ELP3: variants seen among roughly 807,000 people sequenced by gnomAD.
ELP3 encodes the protein elongator acetyltransferase complex subunit 3.
Under a neutral mutation model 74.9 loss-of-function variants are expected in ELP3, and 56 were observed. The observed-to-expected ratio is 0.75, with a 90% CI of 0.60 to 0.93. ELP3 has a LOEUF of 0.93. Ranked by LOEUF, ELP3 falls within the 40% of genes least tolerant of loss-of-function variation. The pLI is 0.00. For synonymous variants in ELP3, 222 were observed against 239.8 expected (o/e 0.93, Z 0.68); for missense variants, 573 against 686.5 (o/e 0.83, Z 1.85).
At chr8:28,161,802 C>G (rs1271796776) in intron 13 of ELP3, among the ~76,000 whole-genome samples, 195 bp from the exon 14 acceptor site, 2 of 152,198 alleles carry the variant, frequency 1.3e-5, no homozygotes, top group African/African-American at 2.4e-5. Context: ...AAAAGTTACA[C>G]CTTTTTCAGT....
chr8:28,185,334 G>C (rs1241820579), intron 14 of ELP3, among the ~76,000 whole-genome samples: 1 of 152,068 alleles, frequency 6.6e-6, no homozygotes. Flanking sequence ...ACCCAACATA[G>C]AGCCAATTTT....
At chr8:28,129,421 G>A (rs1812705787) in intron 7 of ELP3, 81 bp from the exon 8 acceptor site, 4 of 1,443,642 alleles carry the variant, frequency 2.8e-6, no homozygotes, top group Non-Finnish European at 3.8e-6. Context: ...ATACTAGGAG[G>A]ACAGAGAGAA....
chr8:28,113,339 A>G (rs1811995483), intron 7 of ELP3, among the ~76,000 whole-genome samples, 166 bp downstream of exon 7: 1 of 152,170 alleles, frequency 6.6e-6, no homozygotes, highest in Non-Finnish European at 1.5e-5. Flanking sequence ...CTTTCGCTGA[A>G]ATAATCTTTT....
At chr8:28,175,615 T>C (rs1814715642) in intron 14 of ELP3, among the ~76,000 whole-genome samples, 1 of 152,216 alleles carries the variant, frequency 6.6e-6, no homozygotes, top group Non-Finnish European at 1.5e-5. Context: ...AGTGTCTGGA[T>C]TTCCTCAGGA....
chr8:28,107,093 CAAA>C (rs2130378275), intron 4 of ELP3, among the ~76,000 whole-genome samples: 1 of 152,064 alleles, frequency 6.6e-6, no homozygotes, highest in South Asian at 2.1e-4. Context: ...ACTAAAAATA[CAAA>C]AATTAGCCGA....
At chr8:28,119,176 G>T (rs911890261) in intron 7 of ELP3, 2 of 152,052 alleles carry the variant, frequency 1.3e-5, no homozygotes, top group Non-Finnish European at 2.9e-5. Flanking sequence ...TTCTCTTTTG[G>T]TCACCCAGAT....
intron 14 of ELP3, among the ~76,000 whole-genome samples, chr8:28,162,303 T>A (rs1280936663): frequency 6.6e-6 from 1 of 152,204 alleles, no homozygotes; most frequent in Non-Finnish European, 1.5e-5. Context: ...CCATATGCCC[T>A]CTTCTGCACT....
intron 10 of ELP3, among the ~76,000 whole-genome samples, chr8:28,152,588 C>G (rs1813683767): frequency 6.6e-6 from 1 of 152,040 alleles, no homozygotes. Flanking sequence ...GGTGGATCAC[C>G]TGAGGTCAGG....
At chr8:28,143,759 A>G (rs867751546) in intron 10 of ELP3, among the ~76,000 whole-genome samples, 1 of 152,196 alleles carries the variant, frequency 6.6e-6, no homozygotes, top group Admixed American at 6.5e-5. Flanking sequence ...TGTTGAAGTA[A>G]TCTCTTAGAG....
chr8:28,093,088 G>T, upstream of ELP3: 12 of 1,487,110 alleles, frequency 8.1e-6, no homozygotes, highest in South Asian at 1.3e-4. Context: ...CTTCCGGGAA[G>T]AGCTTTACGA....
At chr8:28,132,187 C>A in intron 8 of ELP3, 91 bp from the exon 9 acceptor site, 1 of 1,386,194 alleles carries the variant, frequency 7.2e-7, no homozygotes, top group Non-Finnish European at 1.0e-6. Context: ...TCCCCTTGTT[C>A]CTTGTGTTAA....
At chr8:28,161,246 T>C (rs561197660) in intron 13 of ELP3, among the ~76,000 whole-genome samples, 51 of 152,158 alleles carry the variant, frequency 3.4e-4, no homozygotes, top group Non-Finnish European at 6.5e-4. Flanking sequence ...AAATTGATTA[T>C]TTAAGAATTT....
At chr8:28,153,029 T>C (rs1275479970) in intron 10 of ELP3, among the ~76,000 whole-genome samples, 2 of 152,250 alleles carry the variant, frequency 1.3e-5, no homozygotes, top group South Asian at 2.1e-4. Context: ...ATTTTTAATG[T>C]GTAGGTCCTA....
intron 2 of ELP3, among the ~76,000 whole-genome samples, chr8:28,097,867 C>G (rs1811316357): frequency 6.6e-6 from 1 of 152,176 alleles, no homozygotes; most frequent in Non-Finnish European, 1.5e-5. Context: ...CCACACTTGA[C>G]AGGTGGGTAA....
intron 9 of ELP3, among the ~76,000 whole-genome samples, chr8:28,134,310 G>T (rs1163241425): frequency 6.6e-6 from 1 of 152,142 alleles, no homozygotes; most frequent in East Asian, 1.9e-4. Context: ...ATTTTCCTTG[G>T]TGTCTTCAAC....
intron 7 of ELP3, among the ~76,000 whole-genome samples, chr8:28,128,625 C>G (rs1812674654): frequency 6.6e-6 from 1 of 152,224 alleles, no homozygotes; most frequent in South Asian, 2.1e-4. Flanking sequence ...TTTATTAGCT[C>G]TGTGCCCTTG....
At position 28,155,931 on chromosome 8, in the gene ELP3, C is replaced by G; in HGVS notation, c.1101-11C>G. On this transcript the variant is annotated splice_polypyrimidine_tract_variant and intron_variant, in intron 10 of 14. Coordinates refer to ENST00000256398, the MANE Select transcript of ELP3 (RefSeq NM_018091.6). Reference sequence around the variant, plus strand: ...ATTTTGCAACAGCTTATGTTTTTCTCCTGTGTACAGGGATATTCCAATGCC... The same window carrying G: ...ATTTTGCAACAGCTTATGTTTTTCTGCTGTGTACAGGGATATTCCAATGCC... 6.2e-7 allele frequency: 1 copy of G among 1,606,066 alleles called. No individual in the cohort carries two copies. Among genetic ancestry groups the G allele is most frequent in the Non-Finnish European group, 8.5e-7 (1 of 1,172,892 alleles).
Position 28,132,303 on chromosome 8 carries a change from G to A in ELP3, c.805G>A (p.Glu269Lys). 1.9e-6 allele frequency: 3 copies of A among 1,614,088 alleles called. No homozygotes were observed. The highest frequency in any genetic ancestry group is 2.5e-6 in the Non-Finnish European group (3 of 1,179,980). ...GGGCCACACTGTGAAGGCAGTGTGT[G>A]AGTCATTTCACCTGGCCAAAGATTC... ...NRGHTVKAVC[E>K]SFHLAKDSGF... The change falls in exon 9 of 15, where the codon GAG becomes AAG. Residue 269 changes from glutamate to lysine, a missense_variant. Transcript: ENST00000256398.
intron 2 of ELP3, among the ~76,000 whole-genome samples, chr8:28,098,898 T>C (rs929019379): frequency 6.6e-6 from 1 of 152,254 alleles, no homozygotes; most frequent in Non-Finnish European, 1.5e-5. Flanking sequence ...ATCAGATTCC[T>C]CCCTGAACTC....
Sources: allele counts gnomAD v4.1 joint callset (sites outside exome capture counted in the v4.1 genomes callset), GRCh38; gene constraint gnomAD v4.1.1; transcripts MANE v1.5; gene names NCBI Gene and HGNC (gene_info 2026-07-23, HGNC 2026-07-21).